MED13: variants seen among roughly 807,000 people sequenced by gnomAD.
MED13 encodes the protein mediator of RNA polymerase II transcription subunit 13.
Under a neutral mutation model 225.2 loss-of-function variants are expected in MED13, and 23 were observed. The ratio of observed to expected loss-of-function variants is 0.10; its 90% CI spans 0.07 to 0.14. The LOEUF is 0.14. MED13 is among the 10% of genes least tolerant of loss of function. The pLI, the probability that MED13 is intolerant of heterozygous loss-of-function variation, is 1.00. For missense variants in MED13, 2,197 were observed against 2,594.5 expected, an observed-to-expected ratio of 0.85 and a Z score of 3.33; for synonymous variants, 942 against 889.2, an observed-to-expected ratio of 1.06 and a Z score of -1.06.
Position 61,955,410 on chromosome 17 carries a change from A to AT in MED13, c.5939dup (p.Asn1980LysfsTer11). ...TGTTGGGATTGAAAGCTAAATCCAAATTTTCAGTGGTATAAGTAGCTGAAG... is the reference window on the plus strand; with the variant it reads ...TGTTGGGATTGAAAGCTAAATCCAAATTTTTCAGTGGTATAAGTAGCTGAAG... On this transcript the variant is annotated frameshift_variant, in exon 26 of 30. Transcript: ENST00000397786. LOFTEE classifies it high-confidence loss of function. 1 of 1,560,572 alleles carries AT rather than the reference A, an allele frequency of 6.4e-7. No individual in the cohort carries two copies. Among genetic ancestry groups the AT allele is most frequent in the Admixed American group, 2.2e-5 (1 of 46,280 alleles).
At chr17:62,006,997 T>C (rs1202017605) in intron 9 of MED13, 1 of 151,612 alleles carries the variant, frequency 6.6e-6, no homozygotes, top group East Asian at 2.0e-4. Context: ...ATCCCAGCAC[T>C]TTGGGAGGTC....
intron 23 of MED13, among the ~76,000 whole-genome samples, chr17:61,957,942 G>C (rs951588800): frequency 6.6e-6 from 1 of 151,986 alleles, no homozygotes; most frequent in African/African-American, 2.4e-5. Flanking sequence ...TCAGCTCACT[G>C]CAAGTTCCGC....
chr17:62,015,448 C>T (rs376176006), intron 8 of MED13, among the ~76,000 whole-genome samples: 2 of 151,974 alleles, frequency 1.3e-5, no homozygotes, highest in Non-Finnish European at 2.9e-5. Context: ...ATCAAAAAAA[C>T]AATAAGTTGC....
In MED13 at chr17:61,982,305, T is replaced by C. The variant is rs2080211473; in HGVS notation, c.3698A>G (p.Tyr1233Cys). ...CTGACGCCCATGTTCTAATGCAAGG[T>C]AGCAGTCATTGCAACAGTCACGCTC... ...VEERDCCNDC[Y>C]LALEHGRQFM... The change falls in exon 16 of 30, where the codon TAC becomes TGC. Residue 1233 changes from tyrosine (Y) to cysteine (C), a missense_variant. Tyr to Cys is a radical substitution (Grantham distance 194). Transcript: ENST00000397786. 3 of 1,614,200 alleles carry C rather than the reference T, an allele frequency of 1.9e-6. No homozygotes were observed. The highest frequency in any genetic ancestry group is 2.5e-6 in the Non-Finnish European group (3 of 1,180,010).
chr17:61,976,199 G>GT (rs1463381725), intron 16 of MED13, among the ~76,000 whole-genome samples: 1 of 152,010 alleles, frequency 6.6e-6, no homozygotes, highest in Non-Finnish European at 1.5e-5. Flanking sequence ...ATAAAATACG[G>GT]TATCTTCATA....
rs541514045 is a variant in MED13, at chr17:61,955,646, G to C, written c.5782+34C>G. ...ATACTTAAAAACTTAACTGCATAAA[G>C]AATTAAATCTGATATAAACTAAAGA... On this transcript the variant is annotated intron_variant, in intron 25 of 29. Transcript: ENST00000397786. 1.9e-6 allele frequency: 3 copies of C among 1,573,298 alleles called. No homozygotes were observed. The African/African-American group carries it at 4.1e-5, about 22-fold the overall frequency.
intron 3 of MED13, among the ~76,000 whole-genome samples, chr17:62,035,885 G>A (rs980494461): frequency 2.0e-5 from 3 of 152,072 alleles, no homozygotes; most frequent in African/African-American, 7.2e-5. Flanking sequence ...ACAAAAATAA[G>A]TTAAAATAGA....
intron 8 of MED13, among the ~76,000 whole-genome samples, chr17:62,021,838 T>C (rs1320592023): frequency 6.6e-6 from 1 of 152,088 alleles, no homozygotes; most frequent in Non-Finnish European, 1.5e-5. Flanking sequence ...GTTTATTTCC[T>C]TCCCAGCACT....
Position 62,035,566 on chromosome 17 carries a change from G to C in MED13, c.513C>G (p.Asp171Glu). ...SCSFTFFLHG[D>E]SNVCTSVEIN... Reference sequence around the variant, plus strand: ...TTTCCACACTGGTACAAACATTGCTGTCTCCATGCAAGAAAAAGGTGAAGG... The same window carrying C: ...TTTCCACACTGGTACAAACATTGCTCTCTCCATGCAAGAAAAAGGTGAAGG... The change falls in exon 4 of 30, where the codon GAC becomes GAG. Residue 171 changes from aspartate to glutamate, a missense_variant. Transcript: ENST00000397786. The C allele has an allele frequency of 6.2e-7, 1 of 1,613,654 alleles. No homozygotes were observed. The highest frequency in any genetic ancestry group is 1.7e-5 in the Admixed American group (1 of 59,984).
In MED13 at chr17:61,992,621, C is replaced by T; in HGVS notation, c.2182G>A (p.Val728Ile). ...GTTACACTAGATGTCCCATCTTCTA[C>T]CTGCAAACAAATATTTCATGTTAGG... Reference protein sequence around the residue: ...SEREAGKKHKVEDGTSSVTVL... With the variant: ...SEREAGKKHKIEDGTSSVTVL... Residue 728 changes from valine to isoleucine, a missense_variant and splice_region_variant, in exon 11 of 30, where the codon GTA becomes ATA. Coordinates refer to ENST00000397786, the MANE Select transcript of MED13 (RefSeq NM_005121.3). 1.3e-6 allele frequency: 2 copies of T among 1,598,400 alleles called. No individual in the cohort carries two copies. The highest frequency in any genetic ancestry group is 2.2e-5 in the East Asian group (1 of 44,706).
intron 10 of MED13, among the ~76,000 whole-genome samples, chr17:61,994,476 T>A (rs371383175): frequency 7.9e-5 from 12 of 152,328 alleles, no homozygotes; most frequent in African/African-American, 2.6e-4. Flanking sequence ...AGCACATATT[T>A]TTTAAACTCA....
chr17:61,993,689 G>T (rs2080322085), intron 10 of MED13, among the ~76,000 whole-genome samples: 1 of 151,890 alleles, frequency 6.6e-6, no homozygotes, highest in Non-Finnish European at 1.5e-5. Flanking sequence ...CAGCACTTTG[G>T]GAGGCCGAGG....
intron 3 of MED13, among the ~76,000 whole-genome samples, chr17:62,047,951 G>C (rs1351695367): frequency 6.7e-6 from 1 of 150,316 alleles, no homozygotes; most frequent in East Asian, 2.0e-4. Flanking sequence ...AACTTACAAA[G>C]TTATAAACTG....
intron 17 of MED13, 110 bp downstream of exon 17, chr17:61,972,617 A>AAT (rs775824392): frequency 4.7e-6 from 5 of 1,053,870 alleles, no homozygotes; most frequent in Non-Finnish European, 6.8e-6. Context: ...TGGCCTTAAG[A>AAT]ATATATCACA....
At chr17:61,998,596 CTTTTT>C (rs58261678) in intron 9 of MED13, among the ~76,000 whole-genome samples, 19 of 115,540 alleles carry the variant, frequency 1.6e-4, no homozygotes, top group African/African-American at 4.6e-4. Context: ...TTCCCACCGC[CTTTTT>C]TTTTTTTTTT....
At chr17:61,967,819 TC>T (rs1420074610) in intron 18 of MED13, among the ~76,000 whole-genome samples, 1 of 152,128 alleles carries the variant, frequency 6.6e-6, no homozygotes, top group African/African-American at 2.4e-5. Flanking sequence ...CAATGTTTCT[TC>T]CTCCTATAGG....
rs182754658 is a variant in MED13, at chr17:61,993,937, A to G, written c.2181+1215T>C. ...CAAGAGCGAAACTCCGTCTCAAAAC[A>G]AACAAACAAACAAAAAAAAAAACTC... is the stretch of plus-strand genomic sequence containing the variant. On this transcript the variant is annotated intron_variant, in intron 10 of 29. Coordinates refer to ENST00000397786, the MANE Select transcript of MED13 (RefSeq NM_005121.3). Among the ~76,000 whole-genome samples, 439 of 118,180 alleles carry G rather than the reference A, an allele frequency of 3.7e-3. 3 individuals carry two copies. The highest frequency in any genetic ancestry group is 0.025 in the African/African-American group (414 of 16,506). 77.5% of individuals were successfully genotyped at this position (118,180 alleles called of 152,430 possible).
At chr17:61,959,496 T>C (rs552800162) in intron 23 of MED13, among the ~76,000 whole-genome samples, 32 of 152,246 alleles carry the variant, frequency 2.1e-4, no homozygotes, top group South Asian at 1.4e-3. Context: ...AAAATCAAAA[T>C]TGTATCAAGG....
intron 28 of MED13, 105 bp downstream of exon 28, chr17:61,950,720 A>T: frequency 8.5e-7 from 1 of 1,174,934 alleles, no homozygotes; most frequent in Non-Finnish European, 1.2e-6. Flanking sequence ...CAGTGCATTT[A>T]AGAACTTAGA....
Sources: gnomAD v4.1 joint callset for allele counts (sites outside exome capture counted in the v4.1 genomes callset) on GRCh38, gnomAD v4.1.1 for gene constraint, MANE v1.5 for transcripts, NCBI Gene and HGNC (gene_info 2026-07-23, HGNC 2026-07-21) for gene names.